Variants in CEP128 observed in about 807,000 individuals in gnomAD.
CEP128 encodes centrosomal protein 128kDa.
CEP128 carries 132 observed loss-of-function variants against 156.7 expected under a neutral mutation model. That is an observed-to-expected ratio of 0.84 (90% confidence interval 0.73 to 0.97). The LOEUF is 0.97. Ranked by LOEUF, CEP128 falls within the 50% of genes least tolerant of loss-of-function variation. The pLI is 0.00. For synonymous variants in CEP128, 469 were observed against 448.9 expected (o/e 1.04, Z -0.57); for missense variants, 1,252 against 1,281.9 (o/e 0.98, Z 0.36).
chr14:80,526,890 C>A lies in CEP128; in HGVS notation c.3051G>T (p.Lys1017Asn), dbSNP rs780416924. 5.0e-6 allele frequency: 8 copies of A among 1,603,838 alleles called. No individual in the cohort carries two copies. The East Asian group carries it at 1.6e-4, about 31-fold the overall frequency. ...TTACTTTGAAACTTTTGGTTCTGTACTTGGTGTCATCTTGGTGATGCTGAA... is the reference window on the plus strand; with the variant it reads ...TTACTTTGAAACTTTTGGTTCTGTAATTGGTGTCATCTTGGTGATGCTGAA... Reference protein sequence around the residue: ...NSLQHHQDDTKYRTKSFKGDR... With the variant: ...NSLQHHQDDTNYRTKSFKGDR... The change falls in exon 23 of 25, where the codon AAG (lysine) becomes AAT (asparagine). Residue 1017 changes from lysine to asparagine, a missense_variant. Physicochemically the swap from Lys to Asn is moderately conservative, Grantham distance 94. Coordinates refer to ENST00000555265, the MANE Select transcript of CEP128 (RefSeq NM_152446.5).
At chr14:80,665,724 C>T (rs553893497) in intron 19 of CEP128, among the ~76,000 whole-genome samples, 1 of 151,168 alleles carries the variant, frequency 6.6e-6, no homozygotes, top group Non-Finnish European at 1.5e-5. Flanking sequence ...AGATCCTTTT[C>T]TGAAAAAAAA....
chr14:80,603,803 G>A (rs1892674265), intron 19 of CEP128, among the ~76,000 whole-genome samples: 1 of 152,126 alleles, frequency 6.6e-6, no homozygotes, highest in South Asian at 2.1e-4. Context: ...ATCCCATACT[G>A]CTAGGATAAA....
At chr14:80,729,085 G>GTGTGTGTC (rs1898154500) in intron 19 of CEP128, among the ~76,000 whole-genome samples, 1 of 65,968 alleles carries the variant, frequency 1.5e-5, no homozygotes, top group African/African-American at 3.4e-5. Context: ...GTGTGTGTGT[G>GTGTGTGTC]TGTGTGTGTG....
At chr14:80,640,449 C>T (rs900621347) in intron 19 of CEP128, among the ~76,000 whole-genome samples, 39 of 152,282 alleles carry the variant, frequency 2.6e-4, no homozygotes, top group Admixed American at 2.0e-4. Context: ...TCCCTGCCAA[C>T]TTCTGAGTCC....
intron 19 of CEP128, among the ~76,000 whole-genome samples, chr14:80,615,138 C>T (rs1893157679): frequency 6.6e-6 from 1 of 152,062 alleles, no homozygotes; most frequent in Admixed American, 6.6e-5. Context: ...GACCCAAAAA[C>T]CAGATTTTAG....
chr14:80,746,988 C>A (rs1899134537), intron 18 of CEP128, among the ~76,000 whole-genome samples: 1 of 152,170 alleles, frequency 6.6e-6, no homozygotes, highest in Non-Finnish European at 1.5e-5. Flanking sequence ...AGATGCTGAA[C>A]ATCATTAGCC....
intron 21 of CEP128, among the ~76,000 whole-genome samples, chr14:80,554,047 TAGA>T (rs1301997096): frequency 2.6e-5 from 4 of 152,194 alleles, no homozygotes; most frequent in African/African-American, 9.6e-5. Context: ...CTTAGTTTAA[TAGA>T]AGGTTTATGA....
intron 19 of CEP128, among the ~76,000 whole-genome samples, chr14:80,643,234 A>C (rs1595139007): frequency 6.6e-6 from 1 of 152,174 alleles, no homozygotes; most frequent in South Asian, 2.1e-4. Flanking sequence ...GATAAACCCA[A>C]AGAATGCCAT....
intron 19 of CEP128, among the ~76,000 whole-genome samples, chr14:80,718,133 G>C (rs1897679178): frequency 6.6e-6 from 1 of 152,154 alleles, no homozygotes; most frequent in Non-Finnish European, 1.5e-5. Context: ...AAAATGGTGA[G>C]ACTTACTTTT....
Position 80,605,424 on chromosome 14 carries a change from G to A in CEP128, c.2807-25001C>T, listed in dbSNP as rs375197818. On this transcript the variant is annotated intron_variant, in intron 19 of 24. Coordinates refer to ENST00000555265, the MANE Select transcript of CEP128 (RefSeq NM_152446.5). The stretch of plus-strand genomic sequence containing the variant: ...AAAGACATGTGACAAATTCATTCTC[G>A]TTCACCTCGAATATCTATCTGTTTT... Among the ~76,000 whole-genome samples the A allele has an allele frequency of 2.6e-4, 40 of 152,016 alleles. 1 individual carries two copies. The highest frequency in any genetic ancestry group is 1.9e-3 in the South Asian group (9 of 4,808).
At chr14:80,731,485 G>T (rs941148810) in intron 19 of CEP128, among the ~76,000 whole-genome samples, 1 of 152,226 alleles carries the variant, frequency 6.6e-6, no homozygotes, top group Non-Finnish European at 1.5e-5. Flanking sequence ...CTCAAGGAAT[G>T]AAGTAAGTAG....
chr14:80,933,156 T>A (rs1489139922), intron 2 of CEP128, among the ~76,000 whole-genome samples: 3 of 152,132 alleles, frequency 2.0e-5, no homozygotes, highest in Non-Finnish European at 4.4e-5. Context: ...CCTACCAGCA[T>A]CCTGGAGAGG....
chr14:80,721,267 G>A (rs1267326584), intron 19 of CEP128, among the ~76,000 whole-genome samples: 1 of 151,980 alleles, frequency 6.6e-6, no homozygotes, highest in Non-Finnish European at 1.5e-5. Flanking sequence ...AAGAGAACTC[G>A]ACAACCCTGG....
intron 2 of CEP128, among the ~76,000 whole-genome samples, chr14:80,952,619 A>G (rs1258266848): frequency 1.3e-5 from 2 of 152,138 alleles, no homozygotes; most frequent in Non-Finnish European, 2.9e-5. Flanking sequence ...AGAGCCAATT[A>G]AACCCCAAGT....
chr14:80,834,838 CTT>C (rs1041062713), intron 12 of CEP128, among the ~76,000 whole-genome samples: 1 of 152,136 alleles, frequency 6.6e-6, no homozygotes, highest in African/African-American at 2.4e-5. Flanking sequence ...TCACATGAAA[CTT>C]AATGAAACTT....
chr14:80,572,533 G>C (rs1891185993), intron 20 of CEP128, among the ~76,000 whole-genome samples: 1 of 152,116 alleles, frequency 6.6e-6, no homozygotes, highest in Non-Finnish European at 1.5e-5. Context: ...AGAGGTATAA[G>C]CAATGTACTG....
At chr14:80,602,994 A>G (rs1892640173) in intron 19 of CEP128, among the ~76,000 whole-genome samples, 1 of 152,212 alleles carries the variant, frequency 6.6e-6, no homozygotes, top group African/African-American at 2.4e-5. Flanking sequence ...AAAACACGAC[A>G]TACTAAAATG....
At chr14:80,729,060 T>G (rs865803088) in intron 19 of CEP128, among the ~76,000 whole-genome samples, 312 of 24,724 alleles carry the variant, frequency 0.013, 6 homozygotes, top group African/African-American at 0.022. Flanking sequence ...CTGGTGGGGG[T>G]GTGTGTGTGT....
chr14:80,544,181 T>C (rs1889884805), intron 21 of CEP128, among the ~76,000 whole-genome samples: 1 of 152,192 alleles, frequency 6.6e-6, no homozygotes, highest in Non-Finnish European at 1.5e-5. Flanking sequence ...AATAGGTCAA[T>C]AGAGATAAAC....
Sources: allele counts gnomAD v4.1 joint callset (sites outside exome capture counted in the v4.1 genomes callset), GRCh38; gene constraint gnomAD v4.1.1; transcripts MANE v1.5; gene names NCBI Gene and HGNC (gene_info 2026-07-23, HGNC 2026-07-21).